CEP57: variants seen among roughly 807,000 people sequenced by gnomAD.
CEP57 encodes centrosomal protein 57, also known as centrosomal protein of 57 kDa.
In CEP57, 40 loss-of-function variants were observed where a neutral mutation model predicts 68.0. The observed-to-expected ratio is 0.59, with a 90% CI of 0.46 to 0.77. The LOEUF (loss-of-function observed/expected upper bound fraction) is 0.77, where lower values mean the gene tolerates loss of function less well. Ranked by LOEUF, CEP57 falls within the 30% of genes least tolerant of loss-of-function variation. CEP57 has a pLI of 0.00. For synonymous variants in CEP57, 219 were observed against 198.7 expected (o/e 1.10, Z -0.86); for missense variants, 606 against 580.7 (o/e 1.04, Z -0.45).
At chr11:95,809,724 A>ATGGTT (rs1861967209) in intron 2 of CEP57, among the ~76,000 whole-genome samples, 1 of 152,176 alleles carries the variant, frequency 6.6e-6, no homozygotes, top group African/African-American at 2.4e-5. Context: ...TGCCAACCAA[A>ATGGTT]AAAAGTCCAG....
chr11:95,812,186 G>A (rs987650032), intron 2 of CEP57, among the ~76,000 whole-genome samples: 25 of 151,908 alleles, frequency 1.6e-4, no homozygotes, highest in African/African-American at 5.6e-4. Flanking sequence ...TCTATAGTTG[G>A]TTTCTACATG....
rs1334533213 is a variant in CEP57, at chr11:95,813,455, G to A, written c.383-13G>A. 5 of 1,609,636 alleles carry A rather than the reference G, an allele frequency of 3.1e-6. No individual in the cohort carries two copies. Among genetic ancestry groups the A allele is most frequent in the Middle Eastern group, 1.8e-4 (1 of 5,614 alleles). On this transcript the variant is annotated splice_polypyrimidine_tract_variant and intron_variant, in intron 3 of 10. Coordinates refer to ENST00000325542, the MANE Select transcript of CEP57 (RefSeq NM_014679.5). The stretch of plus-strand genomic sequence containing the variant: ...GTGAGTTGATTTCTGCTTTTCTTAT[G>A]TATTCTTTTTAGAACTGACATCTCA...
At chr11:95,825,083 A>G (rs969059458) in intron 8 of CEP57, among the ~76,000 whole-genome samples, 1 of 152,196 alleles carries the variant, frequency 6.6e-6, no homozygotes, top group African/African-American at 2.4e-5. Flanking sequence ...CCCTAAACAC[A>G]GTGTGTCTAA....
At chr11:95,799,927 C>T (rs1326059468) in intron 2 of CEP57, among the ~76,000 whole-genome samples, 1 of 152,214 alleles carries the variant, frequency 6.6e-6, no homozygotes, top group Admixed American at 6.5e-5. Flanking sequence ...CTATATGCCT[C>T]ACCAGCTTCA....
Position 95,798,135 on chromosome 11 carries a change from C to A in CEP57, c.46-1097C>A, listed in dbSNP as rs144764142. 2.6e-5 allele frequency among the ~76,000 whole-genome samples: 4 copies of A among 152,096 alleles called. 1 individual carries two copies. In the South Asian group the frequency reaches 8.3e-4, roughly 32 times the overall value. ...GACTTAGCACTTATTTATTTGAGTACCACTTTTAAGACTTGGCCCTACCCT... is the reference window on the plus strand; with the variant it reads ...GACTTAGCACTTATTTATTTGAGTAACACTTTTAAGACTTGGCCCTACCCT... On this transcript the variant is annotated intron_variant, in intron 1 of 10. Coordinates refer to ENST00000325542, the MANE Select transcript of CEP57 (RefSeq NM_014679.5).
Position 95,827,800 on chromosome 11 carries a change from C to G in CEP57, c.900C>G (p.Ser300Arg). 1 of 1,614,056 alleles carries G rather than the reference C, an allele frequency of 6.2e-7. No homozygotes were observed. The highest frequency in any genetic ancestry group is 1.7e-4 in the Middle Eastern group (1 of 6,060). Residue 300 changes from serine to arginine, a missense_variant, in exon 9 of 11, where the codon AGC (serine) becomes AGG (arginine). Ser to Arg is a moderately radical substitution (Grantham distance 110). Transcript: ENST00000325542. ...PFVAGKSTSP[S>R]HAVVANVQLV... Reference sequence around the variant, plus strand: ...TCTTCCTTTAGTCCACAAGCCCTAGCCATGCCGTGGTAGCCAATGTTCAGC... The same window carrying G: ...TCTTCCTTTAGTCCACAAGCCCTAGGCATGCCGTGGTAGCCAATGTTCAGC...
At position 95,790,681 on chromosome 11, in the gene CEP57, CCCTGGGCAGG is replaced by C; in HGVS notation, c.-16_-7del. ...AGACCGCCCCCGAAGTGCGGAGACCCCCTGGGCAGGCTGAAAGATGGCGGCGGCGTCTGTC... is the reference window on the plus strand; with the variant it reads ...AGACCGCCCCCGAAGTGCGGAGACCCCTGAAAGATGGCGGCGGCGTCTGTC... On this transcript the variant is annotated 5_prime_UTR_variant, in exon 1 of 11. Coordinates refer to ENST00000325542, the MANE Select transcript of CEP57 (RefSeq NM_014679.5). 6.2e-7 allele frequency: 1 copy of C among 1,613,390 alleles called. No individual in the cohort carries two copies. The highest frequency in any genetic ancestry group is 1.7e-4 in the Middle Eastern group (1 of 6,056).
In CEP57 at chr11:95,831,303, A is replaced by G; in HGVS notation, c.*47A>G. 1 of 1,308,334 alleles carries G rather than the reference A, an allele frequency of 7.6e-7. No homozygotes were observed. The highest frequency in any genetic ancestry group is 1.8e-4 in the Middle Eastern group (1 of 5,410). 81.0% of individuals were successfully genotyped at this position (1,308,334 alleles called of 1,614,324 possible). A position where few individuals can be genotyped will look rare whatever the true frequency, so the allele number is the denominator to read the frequency against. ...TTATTCAGATAATCTGTACCTCATCAATCAGATGATGACAATTTACTTCCC... is the reference window on the plus strand; with the variant it reads ...TTATTCAGATAATCTGTACCTCATCGATCAGATGATGACAATTTACTTCCC... On this transcript the variant is annotated 3_prime_UTR_variant, in exon 11 of 11. Coordinates refer to ENST00000325542, the MANE Select transcript of CEP57 (RefSeq NM_014679.5).
chr11:95,794,372 T>G (rs1861241671), intron 1 of CEP57: 2 of 454,144 alleles, frequency 4.4e-6, no homozygotes, highest in South Asian at 3.1e-5. Context: ...ATGTGCGTCT[T>G]CAGCTTTACT....
intron 2 of CEP57, among the ~76,000 whole-genome samples, chr11:95,811,619 C>A (rs375191831): frequency 5.4e-5 from 8 of 149,374 alleles, no homozygotes; most frequent in Non-Finnish European, 8.9e-5. Flanking sequence ...ATTAGGTATA[C>A]CTCTGTGAAA....
chr11:95,807,450 C>A (rs771450944), intron 2 of CEP57, among the ~76,000 whole-genome samples: 7 of 152,074 alleles, frequency 4.6e-5, no homozygotes, highest in Non-Finnish European at 1.0e-4. Flanking sequence ...GAACCCATTG[C>A]AAAGAAGCTA....
chr11:95,819,044 T>G, intron 6 of CEP57, 140 bp downstream of exon 6: 1 of 699,148 alleles, frequency 1.4e-6, no homozygotes. Flanking sequence ...TAGGTTAATG[T>G]AGAAAATTAT....
intron 2 of CEP57, among the ~76,000 whole-genome samples, chr11:95,811,580 T>TAA (rs57349391): frequency 2.6e-4 from 35 of 132,766 alleles, no homozygotes; most frequent in African/African-American, 8.8e-4. Context: ...AAAGTATAAT[T>TAA]AAAAAAAAAA....
At chr11:95,810,081 C>T (rs1685957274) in intron 2 of CEP57, among the ~76,000 whole-genome samples, 1 of 152,144 alleles carries the variant, frequency 6.6e-6, no homozygotes, top group South Asian at 2.1e-4. Flanking sequence ...ATCATATAAA[C>T]AGAACCAAAG....
At chr11:95,810,735 AT>A (rs1244903084) in intron 2 of CEP57, among the ~76,000 whole-genome samples, 2 of 152,218 alleles carry the variant, frequency 1.3e-5, no homozygotes, top group Non-Finnish European at 2.9e-5. Flanking sequence ...ATACTCATGG[AT>A]AGGAAGAATC....
At chr11:95,809,449 C>T (rs904109228) in intron 2 of CEP57, among the ~76,000 whole-genome samples, 1 of 152,126 alleles carries the variant, frequency 6.6e-6, no homozygotes, top group African/African-American at 2.4e-5. Flanking sequence ...TGATAGACCA[C>T]TAGCAAGACT....
intron 6 of CEP57, among the ~76,000 whole-genome samples, chr11:95,821,625 A>C: frequency 6.6e-6 from 1 of 152,216 alleles, no homozygotes; most frequent in East Asian, 1.9e-4. Context: ...TACTGGAGAT[A>C]ATGTGTTCCA....
At chr11:95,829,830 A>G (rs1252787017) in intron 10 of CEP57, among the ~76,000 whole-genome samples, 1 of 152,230 alleles carries the variant, frequency 6.6e-6, no homozygotes, top group Non-Finnish European at 1.5e-5. Flanking sequence ...GACTAGGGGT[A>G]GGGTAATGGG....
chr11:95,791,550 A>G (rs1037427390), intron 1 of CEP57, among the ~76,000 whole-genome samples: 2 of 152,196 alleles, frequency 1.3e-5, no homozygotes, highest in Non-Finnish European at 2.9e-5. Flanking sequence ...TAGGGTCCAA[A>G]TGAACAGAAT....
Sources: gnomAD v4.1 joint callset for allele counts (sites outside exome capture counted in the v4.1 genomes callset) on GRCh38, gnomAD v4.1.1 for gene constraint, MANE v1.5 for transcripts, NCBI Gene and HGNC (gene_info 2026-07-23, HGNC 2026-07-21) for gene names.